Variants in VPS8 observed in about 807,000 individuals in gnomAD.
The protein encoded by VPS8 is vacuolar protein sorting-associated protein 8 homolog.
Under a neutral mutation model 216.4 loss-of-function variants are expected in VPS8, and 129 were observed. The ratio of observed to expected loss-of-function variants is 0.60; its 90% CI spans 0.52 to 0.69. The LOEUF (loss-of-function observed/expected upper bound fraction) is 0.69, where lower values mean the gene tolerates loss of function less well. Among genes scored for constraint, VPS8 ranks in the 30% least tolerant of loss-of-function variants. VPS8 has a pLI of 0.00. For synonymous variants in VPS8, 571 were observed against 565.4 expected, an observed-to-expected ratio of 1.01 and a Z score of -0.14; for missense variants, 1,531 against 1,683.5, an observed-to-expected ratio of 0.91 and a Z score of 1.59.
intron 29 of VPS8, among the ~76,000 whole-genome samples, chr3:184,923,923 G>C (rs891509018): frequency 6.6e-6 from 1 of 152,038 alleles, no homozygotes; most frequent in African/African-American, 2.4e-5. Context: ...TTTCCACCGT[G>C]CTTCTGTAAT....
intron 45 of VPS8, 40 bp from the exon 46 acceptor site, chr3:185,024,296 T>C (rs1188839416): frequency 6.5e-7 from 1 of 1,546,228 alleles, no homozygotes. Context: ...AACTAGACTA[T>C]AACTGAAAGG....
At chr3:184,960,175 T>C (rs1746280831) in intron 37 of VPS8, among the ~76,000 whole-genome samples, 2 of 152,200 alleles carry the variant, frequency 1.3e-5, no homozygotes, top group South Asian at 4.1e-4. Flanking sequence ...AACTCATCCT[T>C]TATTATGGCT....
At chr3:184,820,517 C>CATGGTTTCTGGGGATTAGGACT (rs1278285719) in intron 1 of VPS8, among the ~76,000 whole-genome samples, 3 of 152,182 alleles carry the variant, frequency 2.0e-5, no homozygotes, top group Admixed American at 6.5e-5. Context: ...GTAACATATT[C>CATGGTTTCTGGGGATTAGGACT]ATGGTTTCTG....
chr3:184,983,753 A>G (rs1201746184), intron 42 of VPS8, among the ~76,000 whole-genome samples: 3 of 152,116 alleles, frequency 2.0e-5, no homozygotes, highest in Non-Finnish European at 4.4e-5. Context: ...CACTTTATTC[A>G]GTATAGGCAT....
At chr3:184,947,358 GAGAGATTTTGGGTT>G (rs1241868529) in intron 36 of VPS8, among the ~76,000 whole-genome samples, 2 of 152,166 alleles carry the variant, frequency 1.3e-5, no homozygotes, top group African/African-American at 4.8e-5. Flanking sequence ...GGTAGCTCTG[GAGAGATTTTGGGTT>G]AGAGATTTTG....
At chr3:184,902,253 G>T (rs1281865480) in intron 25 of VPS8, among the ~76,000 whole-genome samples, 1 of 151,900 alleles carries the variant, frequency 6.6e-6, no homozygotes, top group East Asian at 1.9e-4. Context: ...CCAGGCAGGC[G>T]GATCATGAGG....
Position 184,832,679 on chromosome 3 carries a change from T to C in VPS8, c.223-10T>C. On this transcript the variant is annotated splice_polypyrimidine_tract_variant and intron_variant, in intron 3 of 47. Coordinates refer to ENST00000625842, the MANE Select transcript of VPS8 (RefSeq NM_001009921.3). ...TTTTGAATGTATTGATTTATCTTCT[T>C]CCAATTTAGACTGATGATGAAGATG... The C allele has an allele frequency of 6.3e-7, 1 of 1,590,652 alleles. No homozygotes were observed. Among genetic ancestry groups the C allele is most frequent in the South Asian group, 1.1e-5 (1 of 88,766 alleles).
chr3:185,006,461 T>G (rs1216690919), intron 45 of VPS8, among the ~76,000 whole-genome samples: 1 of 152,220 alleles, frequency 6.6e-6, no homozygotes, highest in African/African-American at 2.4e-5. Context: ...TTATTCTGGC[T>G]TTATTGAAAC....
chr3:184,982,599 G>A lies in VPS8; in HGVS notation c.3454G>A (p.Ala1152Thr), dbSNP rs781000776. The A allele has an allele frequency of 6.2e-6, 10 of 1,613,142 alleles. No homozygotes were observed. In the South Asian group the frequency reaches 8.8e-5, roughly 14 times the overall value. Residue 1152 changes from alanine to threonine, a missense_variant, in exon 41 of 48, where the codon GCC becomes ACC. Physicochemically the swap from Ala to Thr is moderately conservative, Grantham distance 58. This residue lies in a region of VPS8 where 1,318 missense variants were observed against 1,468.4 expected (regional missense o/e 0.90). Transcript: ENST00000625842. Reference sequence around the variant, plus strand: ...GTTTCCGTTATTGGAGGCAATGATGGCCCCTCAGAAGCTGTCCAGTTCAGC... The same window carrying A: ...GTTTCCGTTATTGGAGGCAATGATGACCCCTCAGAAGCTGTCCAGTTCAGC... Reference protein sequence around the residue: ...LWFPLLEAMMAPQKLSSSAIP... With the variant: ...LWFPLLEAMMTPQKLSSSAIP...
chr3:184,897,303 T>A (rs917297973), intron 23 of VPS8, among the ~76,000 whole-genome samples: 1 of 151,986 alleles, frequency 6.6e-6, no homozygotes, highest in Non-Finnish European at 1.5e-5. Flanking sequence ...TAGAATTGAT[T>A]TGCTGGTGAA....
At chr3:184,964,850 C>G (rs560424483) in intron 38 of VPS8, among the ~76,000 whole-genome samples, 2 of 152,238 alleles carry the variant, frequency 1.3e-5, no homozygotes, top group African/African-American at 4.8e-5. Flanking sequence ...CAGGGGACAC[C>G]TGGGCTGCTT....
chr3:185,000,477 C>T (rs1391599645), intron 45 of VPS8, among the ~76,000 whole-genome samples: 1 of 152,104 alleles, frequency 6.6e-6, no homozygotes, highest in Non-Finnish European at 1.5e-5. Context: ...CTCTACTCGG[C>T]TATACTTCCT....
chr3:184,839,623 C>T, intron 6 of VPS8, 75 bp from the exon 7 acceptor site: 2 of 1,438,280 alleles, frequency 1.4e-6, no homozygotes, highest in Non-Finnish European at 1.9e-6. Context: ...GAAGGCAGGC[C>T]AACAAATTCA....
intron 36 of VPS8, among the ~76,000 whole-genome samples, chr3:184,952,193 G>C (rs755296526): frequency 6.6e-6 from 1 of 152,180 alleles, no homozygotes; most frequent in Non-Finnish European, 1.5e-5. Flanking sequence ...GGGAAACATT[G>C]GTTAACATTC....
At chr3:184,867,978 GT>G in intron 17 of VPS8, 45 bp from the exon 18 acceptor site, 1 of 1,600,566 alleles carries the variant, frequency 6.2e-7, no homozygotes, top group Non-Finnish European at 8.5e-7. Flanking sequence ...TCCCAAAGAA[GT>G]CTGTTAAGGG....
At chr3:184,883,769 G>A (rs1267837326) in intron 21 of VPS8, among the ~76,000 whole-genome samples, 2 of 152,064 alleles carry the variant, frequency 1.3e-5, no homozygotes, top group Non-Finnish European at 2.9e-5. Flanking sequence ...TATATCCATA[G>A]TACTTAGTAC....
intron 30 of VPS8, among the ~76,000 whole-genome samples, chr3:184,925,535 T>C (rs1182086246): frequency 6.6e-6 from 1 of 152,154 alleles, no homozygotes; most frequent in Non-Finnish European, 1.5e-5. Flanking sequence ...GGGACAGTTA[T>C]CCTCCTTTTA....
intron 46 of VPS8, among the ~76,000 whole-genome samples, chr3:185,029,007 A>G (rs1191384706): frequency 6.6e-6 from 1 of 152,190 alleles, no homozygotes; most frequent in African/African-American, 2.4e-5. Context: ...TAAATGAAAC[A>G]TCATTGCTGT....
chr3:184,814,308 C>T (rs1379844967), intron 1 of VPS8, among the ~76,000 whole-genome samples: 1 of 152,142 alleles, frequency 6.6e-6, no homozygotes, highest in Non-Finnish European at 1.5e-5. Flanking sequence ...ACCAGTAACC[C>T]CCAGTTCCCT....
Sources: gnomAD v4.1 joint callset for allele counts (sites outside exome capture counted in the v4.1 genomes callset) on GRCh38, gnomAD v4.1.1 for gene constraint, gnomAD v4.1.1 regional missense constraint, MANE v1.5 for transcripts, NCBI Gene and HGNC (gene_info 2026-07-23, HGNC 2026-07-21) for gene names.